MAGI3: variants seen among roughly 807,000 people sequenced by gnomAD.
The protein encoded by MAGI3 is membrane associated guanylate kinase, WW and PDZ domain containing 3, also known as membrane-associated guanylate kinase, WW and PDZ domain-containing protein 3.
MAGI3 carries 43 observed loss-of-function variants against 121.8 expected under a neutral mutation model. That is an observed-to-expected ratio of 0.35 (90% CI 0.28 to 0.46). MAGI3 has a LOEUF of 0.46. MAGI3 is among the 20% of genes least tolerant of loss of function. The pLI is 1.00. For missense variants in MAGI3, 1,547 were observed against 1,797.3 expected (o/e 0.86, Z 2.52); for synonymous variants, 553 against 639.3 (o/e 0.86, Z 2.04).
At position 113,611,936 on chromosome 1, in the gene MAGI3, C is replaced by CTTAT. The variant is rs71090712; in HGVS notation, c.1019-2634_1019-2631dup. On this transcript the variant is annotated intron_variant, in intron 6 of 20. Transcript: ENST00000307546. ...ATCATCTCCCTCTCCCTAATCCCAA[C>CTTAT]TTATTTATTTATTTATTTATTTATT... Among the ~76,000 whole-genome samples the CTTAT allele has an allele frequency of 8.0e-3, 1,105 of 138,860 alleles. 6 individuals are homozygous for CTTAT. Among genetic ancestry groups the CTTAT allele is most frequent in the East Asian group, 0.062 (265 of 4,262 alleles). The allele number at this position is 138,860 out of a possible 152,430, so 91.1% of individuals were successfully genotyped here.
intron 1 of MAGI3, among the ~76,000 whole-genome samples, chr1:113,474,446 T>C (rs2101547100): frequency 6.6e-6 from 1 of 152,300 alleles, no homozygotes; most frequent in South Asian, 2.1e-4. Flanking sequence ...TTGTATAAGG[T>C]GTAAGGAAGG....
intron 1 of MAGI3, among the ~76,000 whole-genome samples, chr1:113,458,112 T>C (rs1232485740): frequency 6.6e-6 from 1 of 152,180 alleles, no homozygotes; most frequent in Non-Finnish European, 1.5e-5. Flanking sequence ...GTTTGTTTGT[T>C]TTTCAAAGTG....
At chr1:113,549,464 T>C in intron 1 of MAGI3, 51 bp from the exon 2 acceptor site, 1 of 1,000,230 alleles carries the variant, frequency 1.0e-6, no homozygotes, top group South Asian at 1.5e-5. Flanking sequence ...TAAGTGAACG[T>C]CTAAAAATTA....
At chr1:113,593,764 A>C (rs1400233091) in intron 5 of MAGI3, among the ~76,000 whole-genome samples, 4 of 152,210 alleles carry the variant, frequency 2.6e-5, no homozygotes, top group Non-Finnish European at 5.9e-5. Context: ...TAATGAAATT[A>C]AACAGATACT....
At chr1:113,430,248 C>T (rs943556541) in intron 1 of MAGI3, among the ~76,000 whole-genome samples, 2 of 152,128 alleles carry the variant, frequency 1.3e-5, no homozygotes, top group Non-Finnish European at 2.9e-5. Flanking sequence ...TTGGAAATTA[C>T]ATACAGCTCT....
chr1:113,424,747 G>A (rs1407619629), intron 1 of MAGI3, among the ~76,000 whole-genome samples: 1 of 152,132 alleles, frequency 6.6e-6, no homozygotes, highest in South Asian at 2.1e-4. Context: ...TCATATAAAG[G>A]TTTTAATGTG....
intron 1 of MAGI3, among the ~76,000 whole-genome samples, chr1:113,489,916 G>C (rs988265963): frequency 6.6e-6 from 1 of 152,070 alleles, no homozygotes; most frequent in Non-Finnish European, 1.5e-5. Flanking sequence ...ATGACTCATT[G>C]GTGTTCCTGA....
intron 2 of MAGI3, among the ~76,000 whole-genome samples, chr1:113,578,099 G>T (rs1647768923): frequency 6.6e-6 from 1 of 152,168 alleles, no homozygotes; most frequent in Non-Finnish European, 1.5e-5. Context: ...GAGGGGCTAA[G>T]ATGGCCTCAT....
intron 6 of MAGI3, among the ~76,000 whole-genome samples, chr1:113,603,671 A>G (rs1649551756): frequency 6.6e-6 from 1 of 152,226 alleles, no homozygotes; most frequent in Admixed American, 6.5e-5. Context: ...AGCAAAAGAA[A>G]TAATCATAAG....
At chr1:113,543,339 A>T (rs1327467708) in intron 1 of MAGI3, among the ~76,000 whole-genome samples, 1 of 152,236 alleles carries the variant, frequency 6.6e-6, no homozygotes, top group Non-Finnish European at 1.5e-5. Context: ...ATTAAAACCT[A>T]CTTTAAAGAC....
At chr1:113,436,809 G>A (rs1653586695) in intron 1 of MAGI3, among the ~76,000 whole-genome samples, 1 of 144,940 alleles carries the variant, frequency 6.9e-6, no homozygotes, top group Non-Finnish European at 1.5e-5. Context: ...TTTAAAGACA[G>A]TCTTTTTTTT....
At position 113,391,318 on chromosome 1, in the gene MAGI3, C is replaced by T. The variant is rs975456433; in HGVS notation, c.285C>T (p.Arg95=). Residue 95 remains arginine (R), a synonymous_variant, in exon 1 of 21, where the codon CGC becomes CGT. Transcript: ENST00000307546. This position sits in a 1 kb window ranked among gnomAD's most constrained non-coding sequence, Gnocchi z 4.4. ...RDTLAVIRHF[R]EPIRLKTVKP... ...CCCTGGCTGTCATCCGCCACTTCCG[C>T]GAGCCCATCCGTCTCAAGACTGTGA... is the stretch of plus-strand genomic sequence containing the variant. The T allele has an allele frequency of 6.3e-7, 1 of 1,597,684 alleles. No individual in the cohort carries two copies.
At chr1:113,682,535 A>G in intron 20 of MAGI3, 6 of 1,239,888 alleles carry the variant, frequency 4.8e-6, no homozygotes, top group Non-Finnish European at 5.0e-6. Flanking sequence ...AACTGTATCA[A>G]TTCATAATAA....
At chr1:113,548,849 T>G (rs887360043) in intron 1 of MAGI3, among the ~76,000 whole-genome samples, 1 of 152,150 alleles carries the variant, frequency 6.6e-6, no homozygotes, top group Non-Finnish European at 1.5e-5. Flanking sequence ...TGGCTTAGAT[T>G]AGGGTGGTGG....
chr1:113,496,981 T>C (rs1192115661), intron 1 of MAGI3, among the ~76,000 whole-genome samples: 1 of 152,170 alleles, frequency 6.6e-6, no homozygotes, highest in African/African-American at 2.4e-5. Context: ...ACTGAGGTCA[T>C]GGGTGGTGGC....
At chr1:113,617,140 C>T (rs1185522148) in intron 7 of MAGI3, among the ~76,000 whole-genome samples, 1 of 152,136 alleles carries the variant, frequency 6.6e-6, no homozygotes, top group Non-Finnish European at 1.5e-5. Context: ...CCACCCGCCT[C>T]GGCCTCCCAA....
chr1:113,674,073 GTTAA>G (rs749177889), intron 19 of MAGI3, among the ~76,000 whole-genome samples: 24 of 152,200 alleles, frequency 1.6e-4, no homozygotes, highest in Non-Finnish European at 3.4e-4. Flanking sequence ...TTCTCTGGAT[GTTAA>G]TTAAAGAGGA....
At chr1:113,463,224 A>G (rs1245579527) in intron 1 of MAGI3, among the ~76,000 whole-genome samples, 2 of 151,870 alleles carry the variant, frequency 1.3e-5, no homozygotes, top group Non-Finnish European at 2.9e-5. Context: ...TAAACCTCAG[A>G]AGAGAGGTCT....
At chr1:113,668,475 G>A (rs964242924) in intron 16 of MAGI3, among the ~76,000 whole-genome samples, 22 of 151,252 alleles carry the variant, frequency 1.5e-4, no homozygotes, top group African/African-American at 5.3e-4. Flanking sequence ...AAGCCATGTA[G>A]CACGGGTTGA....
Sources: allele counts gnomAD v4.1 joint callset (sites outside exome capture counted in the v4.1 genomes callset), GRCh38; gene constraint gnomAD v4.1.1; non-coding constraint Gnocchi (gnomAD v3.1); transcripts MANE v1.5; gene names NCBI Gene and HGNC (gene_info 2026-07-23, HGNC 2026-07-21).